CLIC4: variants seen among roughly 807,000 people sequenced by gnomAD.
CLIC4 encodes the protein chloride intracellular channel protein 4.
CLIC4 carries 13 observed loss-of-function variants against 24.6 expected under a neutral mutation model. That is an observed-to-expected ratio of 0.53 (90% CI 0.34 to 0.84). The LOEUF (loss-of-function observed/expected upper bound fraction) is 0.84, where lower values mean the gene tolerates loss of function less well. CLIC4 is among the 40% of genes least tolerant of loss of function. The probability of loss-of-function intolerance (pLI) is 0.01; values close to 1 mark genes in which losing one functional copy is unlikely to be tolerated. For missense variants in CLIC4, 227 were observed against 301.7 expected (o/e 0.75, Z 1.83); for synonymous variants, 104 against 111.3 (o/e 0.93, Z 0.41).
intron 2 of CLIC4, 35 bp downstream of exon 2, chr1:24,797,886 C>T (rs1300814731): frequency 1.5e-6 from 2 of 1,378,784 alleles, no homozygotes; most frequent in Non-Finnish European, 2.1e-6. Flanking sequence ...TCAACTTAAG[C>T]TGAACTATCT....
At chr1:24,785,521 A>G (rs1263754378) in intron 1 of CLIC4, among the ~76,000 whole-genome samples, 2 of 152,214 alleles carry the variant, frequency 1.3e-5, no homozygotes, top group East Asian at 3.9e-4. Context: ...TAAAACAGCT[A>G]GACTCCAAAC....
intron 3 of CLIC4, among the ~76,000 whole-genome samples, chr1:24,826,163 A>T (rs1236828580): frequency 6.6e-6 from 1 of 152,244 alleles, no homozygotes; most frequent in Non-Finnish European, 1.5e-5. Context: ...AAGCTGGTGT[A>T]TTACATCTGT....
intron 1 of CLIC4, among the ~76,000 whole-genome samples, chr1:24,792,336 G>C (rs1256814590): frequency 6.6e-6 from 1 of 151,958 alleles, no homozygotes; most frequent in African/African-American, 2.4e-5. Flanking sequence ...GACTATAGGA[G>C]AGTGCCACCA....
chr1:24,748,573 C>T (rs1487064506), intron 1 of CLIC4, among the ~76,000 whole-genome samples: 3 of 141,848 alleles, frequency 2.1e-5, no homozygotes, highest in Non-Finnish European at 4.5e-5. Flanking sequence ...TGCAGTGGCG[C>T]GATCTCGGCT....
At chr1:24,802,101 G>C (rs116297993) in intron 2 of CLIC4, among the ~76,000 whole-genome samples, 2,004 of 152,184 alleles carry the variant, frequency 0.013, 50 homozygotes, top group African/African-American at 0.046. Context: ...TTTTGGCTTG[G>C]AGCAAGTGAG....
At chr1:24,801,382 A>C (rs1639488696) in intron 2 of CLIC4, among the ~76,000 whole-genome samples, 1 of 152,174 alleles carries the variant, frequency 6.6e-6, no homozygotes, top group Admixed American at 6.5e-5. Context: ...AGAAGAGAGA[A>C]GGGGGAGGTG....
intron 3 of CLIC4, among the ~76,000 whole-genome samples, chr1:24,817,588 C>G (rs1009550216): frequency 6.6e-6 from 1 of 152,174 alleles, no homozygotes; most frequent in African/African-American, 2.4e-5. Context: ...GGCAATAAAG[C>G]TGTTTTTCTC....
chr1:24,772,479 A>G (rs867876469), intron 1 of CLIC4, among the ~76,000 whole-genome samples: 3 of 152,156 alleles, frequency 2.0e-5, no homozygotes, highest in African/African-American at 7.2e-5. Context: ...GCGGAAACTA[A>G]TTTTGTAATG....
intron 1 of CLIC4, among the ~76,000 whole-genome samples, chr1:24,767,184 C>T (rs1488003078): frequency 6.6e-6 from 1 of 152,110 alleles, no homozygotes; most frequent in Non-Finnish European, 1.5e-5. Flanking sequence ...GATGTAGTGG[C>T]TAAGAGTGTG....
chr1:24,838,781 G>T (rs1055339875), intron 4 of CLIC4, among the ~76,000 whole-genome samples: 5 of 151,932 alleles, frequency 3.3e-5, no homozygotes, highest in African/African-American at 1.2e-4. Flanking sequence ...TCTGCTGAGG[G>T]CCACTAACCT....
chr1:24,759,677 G>A (rs1638895264), intron 1 of CLIC4, among the ~76,000 whole-genome samples: 1 of 152,148 alleles, frequency 6.6e-6, no homozygotes, highest in East Asian at 1.9e-4. Flanking sequence ...GACCAGGCAT[G>A]GTGACTCACG....
chr1:24,826,996 CT>C lies in CLIC4; in HGVS notation c.309-9del. On this transcript the variant is annotated splice_polypyrimidine_tract_variant and intron_variant, in intron 3 of 5. Coordinates refer to ENST00000374379, the MANE Select transcript of CLIC4 (RefSeq NM_013943.3). ...TTTGAAGGATCTATAATCCATATCA[CT>C]TTTTCTATTTAGGTACTTAAAGCTT... 6.4e-7 allele frequency: 1 copy of C among 1,567,026 alleles called. No homozygotes were observed. The highest frequency in any genetic ancestry group is 8.7e-7 in the Non-Finnish European group (1 of 1,149,112).
intron 1 of CLIC4, chr1:24,777,968 C>A (rs1639160828): frequency 6.6e-6 from 1 of 152,176 alleles, no homozygotes; most frequent in African/African-American, 2.4e-5. Context: ...TTCATGCTGT[C>A]AAAGTAAGTA....
At chr1:24,769,663 T>C (rs1354518752) in intron 1 of CLIC4, among the ~76,000 whole-genome samples, 1 of 152,230 alleles carries the variant, frequency 6.6e-6, no homozygotes, top group Non-Finnish European at 1.5e-5. Context: ...AGGATATTTC[T>C]AAAACATACT....
Position 24,839,849 on chromosome 1 carries a change from TC to T in CLIC4, c.416-4del, listed in dbSNP as rs753523380. ...CTTACAGTATTCTCATCTCTTTTTT[TC>T]CCCCCCAAGCACTGGAGAGGGGTCT... On this transcript the variant is annotated splice_polypyrimidine_tract_variant and intron_variant, in intron 4 of 5. Transcript: ENST00000374379. 194 of 1,601,638 alleles carry T rather than the reference TC, an allele frequency of 1.2e-4. 3 individuals are homozygous for T. In the South Asian group the frequency reaches 1.6e-3, roughly 13 times the overall value.
At chr1:24,785,854 CA>C (rs61009244) in intron 1 of CLIC4, among the ~76,000 whole-genome samples, 16,314 of 59,028 alleles carry the variant, frequency 0.28, 449 homozygotes, top group Non-Finnish European at 0.31. Flanking sequence ...GACTACAACT[CA>C]AAAAAAAAAA....
chr1:24,774,773 T>C (rs1430982723), intron 1 of CLIC4, among the ~76,000 whole-genome samples: 3 of 151,830 alleles, frequency 2.0e-5, no homozygotes, highest in African/African-American at 7.3e-5. Flanking sequence ...AGCGGGACCT[T>C]GTCTGAAAAA....
At chr1:24,775,397 T>C (rs1332920673) in intron 1 of CLIC4, among the ~76,000 whole-genome samples, 1 of 151,710 alleles carries the variant, frequency 6.6e-6, no homozygotes, top group African/African-American at 2.4e-5. Flanking sequence ...CATTGTCTCC[T>C]TCTGGAACTC....
chr1:24,824,849 A>G (rs1639770656), intron 3 of CLIC4, among the ~76,000 whole-genome samples: 1 of 151,596 alleles, frequency 6.6e-6, no homozygotes, highest in East Asian at 2.0e-4. Flanking sequence ...AAAATACAAA[A>G]AGCTAGCCAA....
Sources: gnomAD v4.1 joint callset for allele counts (sites outside exome capture counted in the v4.1 genomes callset) on GRCh38, gnomAD v4.1.1 for gene constraint, MANE v1.5 for transcripts, NCBI Gene and HGNC (gene_info 2026-07-23, HGNC 2026-07-21) for gene names.